The following PYGB variants were observed in gnomAD, a reference collection of about 807,000 sequenced individuals.
PYGB encodes the protein glycogen phosphorylase, brain form.
Under a neutral mutation model 94.3 loss-of-function variants are expected in PYGB, and 82 were observed. That is an observed-to-expected ratio of 0.87 (90% CI 0.73 to 1.04). PYGB has a LOEUF of 1.04. Among genes scored for constraint, PYGB ranks in the 50% least tolerant of loss-of-function variants. The pLI is 0.00. For synonymous variants in PYGB, 488 were observed against 479.1 expected (o/e 1.02, Z -0.24); for missense variants, 1,132 against 1,158.2 (o/e 0.98, Z 0.33).
chr20:25,279,285 G>A (rs1393405934), intron 9 of PYGB, 136 bp downstream of exon 9: 5 of 919,478 alleles, frequency 5.4e-6, no homozygotes, highest in Middle Eastern at 6.1e-4. Flanking sequence ...GGAGAGACGC[G>A]AGCTGTGGGA....
At chr20:25,289,301 G>A (rs1169361348) in intron 15 of PYGB, among the ~76,000 whole-genome samples, 1 of 152,238 alleles carries the variant, frequency 6.6e-6, no homozygotes, top group Non-Finnish European at 1.5e-5. Context: ...CAGTATTTCA[G>A]TATGTAAAGT....
chr20:25,265,844 C>T (rs1369002482), intron 2 of PYGB, among the ~76,000 whole-genome samples: 1 of 152,138 alleles, frequency 6.6e-6, no homozygotes, highest in East Asian at 1.9e-4. Context: ...ATCCACCCGC[C>T]TTGGCCTTCC....
intron 2 of PYGB, among the ~76,000 whole-genome samples, chr20:25,267,611 G>A (rs958051857): frequency 6.6e-6 from 1 of 152,110 alleles, no homozygotes; most frequent in East Asian, 1.9e-4. Flanking sequence ...GCTCACTGTA[G>A]CCTCAACCTC....
rs1204986484 is a variant in PYGB, at chr20:25,278,321, C to T, written c.858C>T (p.Phe286=). ...CCAGCTTGCTCTGCTGTGTGCAGTT[C>T]TTTGAGGGGAAGGAGCTGCGGCTGA... ...ISRVLYPNDN[F]FEGKELRLKQ... Residue 286 remains phenylalanine, a splice_region_variant and synonymous_variant, in exon 8 of 20, where the codon TTC becomes TTT. Transcript: ENST00000216962. 1 of 1,613,966 alleles carries T rather than the reference C, an allele frequency of 6.2e-7. No individual in the cohort carries two copies. Among genetic ancestry groups the T allele is most frequent in the Non-Finnish European group, 8.5e-7 (1 of 1,179,932 alleles).
chr20:25,296,264 A>C, intron 19 of PYGB, 106 bp from the exon 20 acceptor site: 3 of 1,409,544 alleles, frequency 2.1e-6, no homozygotes, highest in Non-Finnish European at 3.0e-6. Context: ...GATGGCCCCA[A>C]GGCTCGGAGC....
At chr20:25,273,380 G>T (rs1161602436) in intron 4 of PYGB, among the ~76,000 whole-genome samples, 1 of 152,116 alleles carries the variant, frequency 6.6e-6, no homozygotes, top group Non-Finnish European at 1.5e-5. Flanking sequence ...GCTGTGCGGA[G>T]GGGCCTCCGG....
At chr20:25,290,008 G>C in intron 15 of PYGB, 3 of 525,410 alleles carry the variant, frequency 5.7e-6, no homozygotes, top group Admixed American at 3.9e-5. Flanking sequence ...TGAGGGCCCA[G>C]TGAGTCCTCA....
intron 1 of PYGB, among the ~76,000 whole-genome samples, chr20:25,252,024 C>T (rs1409314068): frequency 6.6e-6 from 1 of 152,192 alleles, no homozygotes. Flanking sequence ...AGTTGTGGTA[C>T]CAGCCTCCGG....
chr20:25,264,074 T>C (rs2092919215), intron 2 of PYGB, among the ~76,000 whole-genome samples: 1 of 152,214 alleles, frequency 6.6e-6, no homozygotes, highest in Non-Finnish European at 1.5e-5. Context: ...AAAAAGCTTA[T>C]CCACCATGAT....
intron 18 of PYGB, chr20:25,294,869 C>T (rs532762698): frequency 1.9e-5 from 26 of 1,338,500 alleles, no homozygotes; most frequent in South Asian, 9.4e-5. Context: ...AAGTTGAATC[C>T]GGCGAGGGCT....
At chr20:25,249,476 C>T (rs1441867713) in intron 1 of PYGB, among the ~76,000 whole-genome samples, 3 of 152,214 alleles carry the variant, frequency 2.0e-5, no homozygotes, top group Non-Finnish European at 4.4e-5. Flanking sequence ...CACTTCCAGA[C>T]CTGAAGCCAC....
Position 25,280,432 on chromosome 20 carries a change from GC to G in PYGB, c.1239+22del, listed in dbSNP as rs766558858. 544 of 1,613,222 alleles carry G rather than the reference GC, an allele frequency of 3.4e-4. 1 individual carries two copies. The African/African-American group carries it at 5.7e-3, about 17-fold the overall frequency. Reference sequence around the variant, plus strand: ...CTGGACGTGAGTGTGGGCCCAGCTGGCCGTGTAGGGTGGCGGCTACACCCAT... The same window carrying G: ...CTGGACGTGAGTGTGGGCCCAGCTGGCGTGTAGGGTGGCGGCTACACCCAT... On this transcript the variant is annotated intron_variant, in intron 10 of 19. Coordinates refer to ENST00000216962, the MANE Select transcript of PYGB (RefSeq NM_002862.4).
intron 2 of PYGB, among the ~76,000 whole-genome samples, chr20:25,264,990 G>C (rs1012092467): frequency 6.6e-6 from 1 of 152,136 alleles, no homozygotes; most frequent in Non-Finnish European, 1.5e-5. Context: ...GCCAAAAGAA[G>C]AAAGCTGGAG....
At position 25,283,287 on chromosome 20, in the gene PYGB, G is replaced by A. The variant is rs1461122144; in HGVS notation, c.1620+10G>A. On this transcript the variant is annotated intron_variant, in intron 13 of 19. Transcript: ENST00000216962. ...GGCCAAGGTCAAACAGGTAGGCATG[G>A]CCCTGGCCCCAGCCCCGACCCCAGC... The A allele has an allele frequency of 1.2e-6, 2 of 1,609,112 alleles. No individual in the cohort carries two copies. The highest frequency in any genetic ancestry group is 8.5e-7 in the Non-Finnish European group (1 of 1,176,422).
intron 15 of PYGB, 90 bp downstream of exon 15, chr20:25,288,573 T>G (rs2088438877): frequency 6.9e-7 from 1 of 1,455,894 alleles, no homozygotes; most frequent in Admixed American, 1.8e-5. Context: ...TGCCACCACA[T>G]CCATACTCGG....
At chr20:25,262,303 A>G (rs1324624944) in intron 2 of PYGB, among the ~76,000 whole-genome samples, 1 of 152,264 alleles carries the variant, frequency 6.6e-6, no homozygotes, top group African/African-American at 2.4e-5. Flanking sequence ...GCAAGCCAGA[A>G]GAGAGTGGGG....
In PYGB at chr20:25,274,587, T is replaced by A. The variant is rs1461987200; in HGVS notation, c.529-5T>A. Reference sequence around the variant, plus strand: ...AGGGTGCCCTCACAGCTGGCTTCTTTCCAGGTAGAGGAGGCCGATGACTGG... The same window carrying A: ...AGGGTGCCCTCACAGCTGGCTTCTTACCAGGTAGAGGAGGCCGATGACTGG... On this transcript the variant is annotated splice_polypyrimidine_tract_variant and splice_region_variant and intron_variant, in intron 4 of 19. Coordinates refer to ENST00000216962, the MANE Select transcript of PYGB (RefSeq NM_002862.4). 1 of 1,612,384 alleles carries A rather than the reference T, an allele frequency of 6.2e-7. No homozygotes were observed. The highest frequency in any genetic ancestry group is 1.3e-5 in the African/African-American group (1 of 74,914).
intron 18 of PYGB, chr20:25,294,823 G>A (rs1034762103): frequency 1.2e-6 from 1 of 805,306 alleles, no homozygotes; most frequent in Non-Finnish European, 2.2e-6. Flanking sequence ...GACTTTGTAA[G>A]GTTTGCAGCT....
chr20:25,284,042 G>A (rs963781371), intron 13 of PYGB, 62 bp from the exon 14 acceptor site: 29 of 1,584,346 alleles, frequency 1.8e-5, no homozygotes, highest in Non-Finnish European at 2.4e-5. Flanking sequence ...GCAGGAAGCC[G>A]CAGGGTCAGT....
Sources: gnomAD v4.1 joint callset for allele counts (sites outside exome capture counted in the v4.1 genomes callset) on GRCh38, gnomAD v4.1.1 for gene constraint, MANE v1.5 for transcripts, NCBI Gene and HGNC (gene_info 2026-07-23, HGNC 2026-07-21) for gene names.